The following TEX9 variants were observed in gnomAD, a reference collection of about 807,000 sequenced individuals.
The protein encoded by TEX9 is testis-expressed protein 9.
TEX9 carries 74 observed loss-of-function variants against 59.6 expected under a neutral mutation model. The observed-to-expected ratio is 1.24, with a 90% CI of 1.03 to 1.51. The LOEUF (loss-of-function observed/expected upper bound fraction) is 1.51. TEX9 is among the 40% of genes most tolerant of loss of function. The pLI is 0.00. For synonymous variants in TEX9, 186 were observed against 152.2 expected (o/e 1.22, Z -1.64); for missense variants, 522 against 447.8 (o/e 1.17, Z -1.49).
intron 4 of TEX9, among the ~76,000 whole-genome samples, chr15:56,384,543 C>G (rs2047877995): frequency 6.6e-6 from 1 of 152,158 alleles, no homozygotes; most frequent in South Asian, 2.1e-4. Context: ...TTCTTCGTCA[C>G]TACTGCTGCA....
chr15:56,293,976 G>A (rs1302289350), intron 1 of TEX9, among the ~76,000 whole-genome samples: 2 of 152,174 alleles, frequency 1.3e-5, no homozygotes, highest in African/African-American at 4.8e-5. Flanking sequence ...AAGTATGAGG[G>A]TATTTGGGGA....
intron 11 of TEX9, 56 bp from the exon 12 acceptor site, chr15:56,428,311 G>C: frequency 7.7e-7 from 1 of 1,302,190 alleles, no homozygotes; most frequent in Non-Finnish European, 1.1e-6. Flanking sequence ...ACTTCCTGTT[G>C]TTTGGTGGCC....
At chr15:56,253,904 A>G (rs1416455822) in intron 1 of TEX9, among the ~76,000 whole-genome samples, 1 of 152,134 alleles carries the variant, frequency 6.6e-6, no homozygotes, top group Admixed American at 6.6e-5. Context: ...CCCTCAGAGA[A>G]TTGTTGGAAT....
chr15:56,318,415 G>T (rs532326739), intron 1 of TEX9, among the ~76,000 whole-genome samples: 1 of 151,916 alleles, frequency 6.6e-6, no homozygotes, highest in Non-Finnish European at 1.5e-5. Flanking sequence ...GCATCATATT[G>T]TAGGCAGCAT....
chr15:56,457,138 C>A, the TEX9 span, among the ~76,000 whole-genome samples: 105 of 152,292 alleles, frequency 6.9e-4, 1 homozygote, highest in African/African-American at 2.2e-3. Flanking sequence ...CCTCTACACA[C>A]ATTTTTCCCC....
chr15:56,303,096 C>T (rs962836989), intron 1 of TEX9, among the ~76,000 whole-genome samples: 2 of 152,138 alleles, frequency 1.3e-5, no homozygotes, highest in Admixed American at 6.5e-5. Flanking sequence ...AGATAGACCC[C>T]AATACAATAA....
In TEX9 at chr15:56,330,417, A is replaced by G. The variant is rs1037858492; in HGVS notation, c.-106-43024A>G. Among the ~76,000 whole-genome samples, 3 of 152,310 alleles carry G rather than the reference A, an allele frequency of 2.0e-5. No homozygotes were observed. The East Asian group carries it at 5.8e-4, about 29-fold the overall frequency. On this transcript the variant is annotated intron_variant, in intron 1 of 5. Transcript: ENST00000560827. ...CACTGTATGGTTGTAAACTACTCTTATCCTAAGTAGAAAGACTAAGTGATG... is the reference window on the plus strand; with the variant it reads ...CACTGTATGGTTGTAAACTACTCTTGTCCTAAGTAGAAAGACTAAGTGATG...
intron 1 of TEX9, among the ~76,000 whole-genome samples, chr15:56,283,061 T>A (rs1596064303): frequency 6.6e-6 from 1 of 151,434 alleles, no homozygotes; most frequent in East Asian, 1.9e-4. Context: ...TGTGTGTGTG[T>A]GTGTGTGTGT....
At chr15:56,319,135 G>A (rs1321794447) in intron 1 of TEX9, among the ~76,000 whole-genome samples, 1 of 151,896 alleles carries the variant, frequency 6.6e-6, no homozygotes, top group Non-Finnish European at 1.5e-5. Flanking sequence ...TCATCCATCT[G>A]TATTATCCTA....
chr15:56,272,941 T>G (rs541578175), intron 1 of TEX9, among the ~76,000 whole-genome samples: 5,791 of 145,370 alleles, frequency 0.04, 154 homozygotes, highest in East Asian at 0.092. Flanking sequence ...TTTATTTATT[T>G]TTTTTGTTGT....
chr15:56,350,375 G>C (rs2046554174), intron 1 of TEX9, among the ~76,000 whole-genome samples: 1 of 152,220 alleles, frequency 6.6e-6, no homozygotes, highest in Non-Finnish European at 1.5e-5. Context: ...GAACAACAAA[G>C]TAGACTGGAT....
At chr15:56,340,016 G>C (rs765088919) in intron 1 of TEX9, among the ~76,000 whole-genome samples, 6 of 152,028 alleles carry the variant, frequency 3.9e-5, no homozygotes, top group Non-Finnish European at 8.8e-5. Context: ...GTATTTTAGA[G>C]GCCAAAGTGG....
chr15:56,367,476 C>T (rs2046996415), intron 2 of TEX9, among the ~76,000 whole-genome samples: 1 of 152,208 alleles, frequency 6.6e-6, no homozygotes, highest in African/African-American at 2.4e-5. Context: ...AGGAAATAAT[C>T]ACTGTCCGAA....
intron 1 of TEX9, among the ~76,000 whole-genome samples, chr15:56,330,700 C>G (rs1380837139): frequency 6.6e-6 from 1 of 150,830 alleles, no homozygotes; most frequent in Admixed American, 6.6e-5. Flanking sequence ...AGCAGGAAAT[C>G]AAATCATACC....
intron 1 of TEX9, among the ~76,000 whole-genome samples, chr15:56,266,134 C>T (rs932817028): frequency 5.1e-4 from 76 of 147,636 alleles, no homozygotes; most frequent in Middle Eastern, 7.2e-3. Flanking sequence ...TAATTTCTCT[C>T]TTTTTTTTTT....
intron 10 of TEX9, among the ~76,000 whole-genome samples, chr15:56,419,772 G>C (rs1440585039): frequency 6.6e-6 from 1 of 151,762 alleles, no homozygotes; most frequent in Non-Finnish European, 1.5e-5. Flanking sequence ...GGGTAATGCT[G>C]CCTTTATTAA....
intron 1 of TEX9, among the ~76,000 whole-genome samples, chr15:56,320,292 C>A (rs946797929): frequency 6.6e-6 from 1 of 152,132 alleles, no homozygotes; most frequent in South Asian, 2.1e-4. Context: ...CTCCAGCTGC[C>A]ATAATAAAAT....
At chr15:56,454,187 T>C in the TEX9 span, among the ~76,000 whole-genome samples, 3 of 152,208 alleles carry the variant, frequency 2.0e-5, no homozygotes, top group Non-Finnish European at 2.9e-5. Context: ...AATTTTTTTG[T>C]ATATACTCAA....
chr15:56,422,573 T>C (rs2050034999), intron 10 of TEX9, among the ~76,000 whole-genome samples: 1 of 151,884 alleles, frequency 6.6e-6, no homozygotes, highest in African/African-American at 2.4e-5. Flanking sequence ...TTTAGCAGTA[T>C]ACTTCCATTA....
Sources: allele counts gnomAD v4.1 joint callset (sites outside exome capture counted in the v4.1 genomes callset), GRCh38; gene constraint gnomAD v4.1.1; transcripts MANE v1.5; gene names NCBI Gene and HGNC (gene_info 2026-07-23, HGNC 2026-07-21).